GSN: variants seen among roughly 807,000 people sequenced by gnomAD.
GSN encodes gelsolin, also known as actin-depolymerizing factor.
GSN carries 56 observed loss-of-function variants against 85.7 expected under a neutral mutation model. That is an observed-to-expected ratio of 0.65 (90% CI 0.53 to 0.82). The LOEUF is 0.82. Among genes scored for constraint, GSN ranks in the 40% least tolerant of loss-of-function variants. The pLI is 0.00. For missense variants in GSN, 857 were observed against 979.8 expected, an observed-to-expected ratio of 0.87 and a Z score of 1.67; for synonymous variants, 373 against 399.1, an observed-to-expected ratio of 0.93 and a Z score of 0.78.
chr9:121,292,273 A>G (rs574504788), intron 2 of GSN, among the ~76,000 whole-genome samples: 6 of 152,264 alleles, frequency 3.9e-5, no homozygotes, highest in Admixed American at 3.3e-4. Context: ...TAGGAGTCTC[A>G]TGGAGGGGAT....
intron 11 of GSN, among the ~76,000 whole-genome samples, chr9:121,324,343 A>C (rs945646473): frequency 2.0e-5 from 3 of 152,208 alleles, no homozygotes; most frequent in Non-Finnish European, 4.4e-5. Context: ...CATGCGTTGC[A>C]CTAAGATCTC....
intron 4 of GSN, among the ~76,000 whole-genome samples, chr9:121,221,393 C>G (rs2054167085): frequency 6.6e-6 from 1 of 152,244 alleles, no homozygotes. Flanking sequence ...CCCCAATTCC[C>G]AGCCCAGCCC....
chr9:121,277,882 G>C (rs1488379096), intron 1 of GSN, among the ~76,000 whole-genome samples: 1 of 152,006 alleles, frequency 6.6e-6, no homozygotes. Context: ...GCTAAGAATG[G>C]TTTTATAGTT....
At chr9:121,233,116 T>G (rs1351034637) in intron 5 of GSN, among the ~76,000 whole-genome samples, 1 of 152,146 alleles carries the variant, frequency 6.6e-6, no homozygotes, top group Non-Finnish European at 1.5e-5. Context: ...GGTAGGCCTT[T>G]AATAAGACTA....
chr9:121,306,519 ATTTC>A (rs2060441797), intron 4 of GSN, among the ~76,000 whole-genome samples: 1 of 141,828 alleles, frequency 7.1e-6, no homozygotes, highest in Non-Finnish European at 1.6e-5. Flanking sequence ...ATAGTGGCTA[ATTTC>A]TTTCTGTCTC....
chr9:121,263,608 C>T (rs1390908891), upstream of GSN, among the ~76,000 whole-genome samples: 1 of 152,000 alleles, frequency 6.6e-6, no homozygotes. Context: ...AATCAGGTCT[C>T]GGCTGGGCAA....
intron 4 of GSN, among the ~76,000 whole-genome samples, chr9:121,220,007 G>A (rs1311453806): frequency 3.3e-5 from 5 of 151,932 alleles, no homozygotes; most frequent in East Asian, 3.9e-4. Flanking sequence ...TCAGCTTCCC[G>A]AGTAGCTGGG....
intron 6 of GSN, among the ~76,000 whole-genome samples, chr9:121,255,607 A>T (rs1360056835): frequency 1.3e-5 from 2 of 152,216 alleles, no homozygotes; most frequent in Non-Finnish European, 2.9e-5. Flanking sequence ...AAATATAGAT[A>T]TAGCTTGAGA....
At chr9:121,250,134 C>A (rs992208904) in intron 6 of GSN, among the ~76,000 whole-genome samples, 1 of 152,054 alleles carries the variant, frequency 6.6e-6, no homozygotes, top group Non-Finnish European at 1.5e-5. Context: ...TTACAAAACT[C>A]ACACACCAAT....
chr9:121,280,829 A>G (rs1564405966), intron 1 of GSN: 2 of 152,212 alleles, frequency 1.3e-5, no homozygotes, highest in Admixed American at 1.3e-4. Flanking sequence ...GTACTAACGT[A>G]CAGCTCTGAA....
rs138021080 is a variant in GSN, at chr9:121,313,888, C to A, written c.664-46C>A. On this transcript the variant is annotated intron_variant, in intron 6 of 17. Transcript: ENST00000432226. ...TGGGAGCTATCTCAGGAGCCTGGCC[C>A]CTCCCTCACAGCCACCCTTCCTCTC... 8.2e-4 allele frequency: 1,173 copies of A among 1,434,444 alleles called. 5 individuals are homozygous for A. In the African/African-American group the frequency reaches 0.013, roughly 16 times the overall value. 88.9% of individuals were successfully genotyped at this position (1,434,444 alleles called of 1,614,324 possible).
At chr9:121,319,279 C>T (rs892996078) in intron 10 of GSN, among the ~76,000 whole-genome samples, 3 of 151,982 alleles carry the variant, frequency 2.0e-5, no homozygotes, top group Admixed American at 1.3e-4. Context: ...AGAGGAAGAG[C>T]GGAGAGTGAT....
At chr9:121,331,472 C>CGGGGGGGGTGGGGGG in intron 17 of GSN, 24 bp downstream of exon 17, 1 of 1,387,796 alleles carries the variant, frequency 7.2e-7, no homozygotes, top group Non-Finnish European at 9.8e-7. Flanking sequence ...TGCCTGGGGG[C>CGGGGGGGGTGGGGGG]GGGGGGAGGG....
At chr9:121,302,319 A>G (rs1401049111) in intron 3 of GSN, 152 bp downstream of exon 3, 10 of 866,566 alleles carry the variant, frequency 1.2e-5, no homozygotes, top group Non-Finnish European at 1.7e-5. Flanking sequence ...CGCTAGAGCC[A>G]GCCTGGCCAA....
intron 14 of GSN, 166 bp from the exon 15 acceptor site, chr9:121,328,725 C>G: frequency 1.3e-6 from 1 of 740,770 alleles, no homozygotes; most frequent in Non-Finnish European, 2.3e-6. Context: ...CGTCACCTTC[C>G]AATTCCCTCA....
intron 11 of GSN, 57 bp from the exon 12 acceptor site, chr9:121,324,497 G>A: frequency 1.1e-6 from 1 of 876,206 alleles, no homozygotes; most frequent in Non-Finnish European, 1.9e-6. Flanking sequence ...CTCAGGGCAA[G>A]GGAGAGGCTC....
At chr9:121,281,177 A>C (rs943696500) in intron 1 of GSN, 23 of 175,188 alleles carry the variant, frequency 1.3e-4, no homozygotes, top group African/African-American at 4.3e-4. Context: ...AGAGGGGGAC[A>C]GACCTGTTCT....
intron 6 of GSN, 136 bp downstream of exon 6, chr9:121,312,624 A>C (rs371861215): frequency 9.7e-6 from 7 of 722,938 alleles, no homozygotes; most frequent in African/African-American, 5.4e-5. Flanking sequence ...TTTTTAAAAT[A>C]CTTTTTTATT....
chr9:121,325,379 G>T (rs985654997), intron 12 of GSN, among the ~76,000 whole-genome samples: 1 of 152,134 alleles, frequency 6.6e-6, no homozygotes, highest in African/African-American at 2.4e-5. Context: ...TGGTACACAT[G>T]CAAAGGCCCT....
Sources: allele counts gnomAD v4.1 joint callset (sites outside exome capture counted in the v4.1 genomes callset), GRCh38; gene constraint gnomAD v4.1.1; transcripts MANE v1.5; gene names NCBI Gene and HGNC (gene_info 2026-07-23, HGNC 2026-07-21).